DHX30: variants seen among roughly 807,000 people sequenced by gnomAD.
The protein encoded by DHX30 is ATP-dependent RNA helicase DHX30.
In DHX30, 4 loss-of-function variants were observed where a neutral mutation model predicts 116.9. The observed-to-expected ratio is 0.03, with a 90% CI of 0.02 to 0.08. The LOEUF (loss-of-function observed/expected upper bound fraction) is 0.08. DHX30 is among the 10% of genes least tolerant of loss of function. DHX30 has a pLI of 1.00. For missense variants in DHX30, 871 were observed against 1,595.1 expected (o/e 0.55, Z 7.73); for synonymous variants, 697 against 651.7 (o/e 1.07, Z -1.06).
chr3:47,841,114 A>G lies in DHX30; in HGVS notation c.604A>G (p.Ile202Val), dbSNP rs760352111. ...DEEEELEEGT[I>V]DVTDFLSMTQ... ...GGAGGAAGAGCTAGAAGAAGGGACC[A>G]TAGATGTTACCGACTTCTTGTCCAT... The change falls in exon 7 of 22, where the codon ATA (isoleucine) becomes GTA (valine). Residue 202 changes from isoleucine (I) to valine (V), a missense_variant. Ile to Val is a conservative substitution (Grantham distance 29). Transcript: ENST00000445061. The G allele has an allele frequency of 8.7e-6, 14 of 1,614,202 alleles. No homozygotes were observed. Among genetic ancestry groups the G allele is most frequent in the Admixed American group, 8.3e-5 (5 of 60,014 alleles).
intron 6 of DHX30, chr3:47,831,085 G>A (rs2036827218): frequency 6.6e-6 from 1 of 150,942 alleles, no homozygotes; most frequent in East Asian, 1.9e-4. Flanking sequence ...ATAGTCCATT[G>A]CTATAAAGGA....
intron 10 of DHX30, 121 bp from the exon 11 acceptor site, chr3:47,846,044 T>A: frequency 7.1e-7 from 1 of 1,403,342 alleles, no homozygotes. Context: ...TGGACTAAAT[T>A]AATCCTCTGC....
intron 3 of DHX30, among the ~76,000 whole-genome samples, chr3:47,815,400 C>G (rs556303430): frequency 1.3e-5 from 2 of 152,162 alleles, no homozygotes; most frequent in Admixed American, 6.6e-5. Context: ...GTAGGAGACA[C>G]TAGGGTGAAG....
intron 3 of DHX30, among the ~76,000 whole-genome samples, chr3:47,811,145 G>T (rs1020462039): frequency 6.6e-6 from 1 of 151,618 alleles, no homozygotes; most frequent in Non-Finnish European, 1.5e-5. Context: ...GTTGAGACGG[G>T]GTTTCACCAT....
chr3:47,826,355 A>C (rs1017356182), intron 4 of DHX30, among the ~76,000 whole-genome samples: 2 of 152,074 alleles, frequency 1.3e-5, no homozygotes, highest in African/African-American at 2.4e-5. Flanking sequence ...GGTACCTCTC[A>C]TGGTATCTGA....
At position 47,846,764 on chromosome 3, in the gene DHX30, G is replaced by A. The variant is rs1334844509; in HGVS notation, c.1692G>A (p.Arg564=). 5 of 1,613,876 alleles carry A rather than the reference G, an allele frequency of 3.1e-6. No homozygotes were observed. Among genetic ancestry groups the A allele is most frequent in the Middle Eastern group, 1.6e-4 (1 of 6,084 alleles). Reference sequence around the variant, plus strand: ...TCATCGTGGATGAGGTGCATGAGCGGGACGTGAACACAGACTTTCTGCTGA... The same window carrying A: ...TCATCGTGGATGAGGTGCATGAGCGAGACGTGAACACAGACTTTCTGCTGA... ...SHVIVDEVHE[R]DVNTDFLLIL... is the part of the protein sequence containing the mutation. The change falls in exon 11 of 22, where the codon CGG becomes CGA. Residue 564 remains arginine, a synonymous_variant. Coordinates refer to ENST00000445061, the MANE Select transcript of DHX30 (RefSeq NM_138615.3).
At chr3:47,803,483 G>T (rs1576450430) in intron 1 of DHX30, among the ~76,000 whole-genome samples, 1 of 152,144 alleles carries the variant, frequency 6.6e-6, no homozygotes, top group African/African-American at 2.4e-5. Context: ...GGCGGGCCTC[G>T]CAGCCAGGGG....
intron 8 of DHX30, 43 bp from the exon 9 acceptor site, chr3:47,843,063 A>T: frequency 6.2e-7 from 1 of 1,607,958 alleles, no homozygotes; most frequent in Non-Finnish European, 8.5e-7. Flanking sequence ...GTCTCTTCCC[A>T]TTCCCTACAT....
At position 47,845,861 on chromosome 3, in the gene DHX30, C is replaced by G. The variant is rs373090001; in HGVS notation, c.1092+9C>G. On this transcript the variant is annotated intron_variant, in intron 10 of 21. Transcript: ENST00000445061. ...AGACCTTCCTGAACCATGTAAGAGG[C>G]CCTGCATCCCTCACCACCCCTGCTC... 57 of 1,591,194 alleles carry G rather than the reference C, an allele frequency of 3.6e-5. 1 individual carries two copies. In the South Asian group the frequency reaches 5.5e-4, roughly 15 times the overall value.
intron 1 of DHX30, 45 bp from the exon 2 acceptor site, chr3:47,805,281 C>G (rs1375363450): frequency 5.0e-6 from 2 of 398,942 alleles, no homozygotes; most frequent in Non-Finnish European, 8.8e-6. Flanking sequence ...AACTTTCTTT[C>G]CCTATGGGGC....
rs771484698 is a variant in DHX30 at position 47,848,858 on chromosome 3, G to A, written c.2769+41G>A. ...TTCCTGGAGCCGTCCACCCACTGCT[G>A]TTCTGAGGGGGCGTTGTCTAGCCCC... On this transcript the variant is annotated intron_variant, in intron 17 of 21. Transcript: ENST00000445061. The surrounding 1 kb of genome is among the most constrained non-coding windows in gnomAD (Gnocchi z 9.4). The A allele has an allele frequency of 3.1e-6, 5 of 1,599,836 alleles. No individual in the cohort carries two copies. The highest frequency in any genetic ancestry group is 1.7e-5 in the Admixed American group (1 of 59,600).
chr3:47,835,080 T>C (rs2037041629), intron 6 of DHX30, among the ~76,000 whole-genome samples: 1 of 152,100 alleles, frequency 6.6e-6, no homozygotes, highest in Non-Finnish European at 1.5e-5. Context: ...CTCGGCTTAC[T>C]GCAGCCTCTG....
chr3:47,844,300 A>G (rs2037502918), intron 9 of DHX30, among the ~76,000 whole-genome samples: 1 of 152,236 alleles, frequency 6.6e-6, no homozygotes, highest in Non-Finnish European at 1.5e-5. Context: ...AAGAGGGCAC[A>G]GATATGCTAC....
chr3:47,803,828 AG>A (rs1203435332), intron 1 of DHX30, among the ~76,000 whole-genome samples: 4 of 152,338 alleles, frequency 2.6e-5, no homozygotes, highest in Middle Eastern at 3.4e-3. Flanking sequence ...CTGGAGTCCC[AG>A]GGGTCCTCAG....
chr3:47,818,016 C>T lies in DHX30; in HGVS notation c.29-6C>T, dbSNP rs950039381. 2 of 781,070 alleles carry T rather than the reference C, an allele frequency of 2.6e-6. No homozygotes were observed. The highest frequency in any genetic ancestry group is 4.8e-6 in the Non-Finnish European group (2 of 418,118). The allele number at this position is 781,070 out of a possible 1,614,324, so 48.4% of individuals were successfully genotyped here. ...TGTCGCCCTGATGCCCTCTCTCTTT[C>T]CCCAGATCGGGCCCAGCACAGGCAG... On this transcript the variant is annotated splice_polypyrimidine_tract_variant and splice_region_variant and intron_variant, in intron 3 of 21. Transcript: ENST00000445061.
chr3:47,845,947 C>G, intron 10 of DHX30, 95 bp downstream of exon 10: 1 of 1,504,590 alleles, frequency 6.6e-7, no homozygotes, highest in Non-Finnish European at 8.9e-7. Context: ...GCAGTAGTAC[C>G]TCCCCATTCT....
At chr3:47,843,972 G>C (rs2037491862) in intron 9 of DHX30, among the ~76,000 whole-genome samples, 1 of 152,228 alleles carries the variant, frequency 6.6e-6, no homozygotes, top group Admixed American at 6.5e-5. Flanking sequence ...AAAGTGTTGG[G>C]ATTGCAGGCG....
Position 47,850,074 on chromosome 3 carries a change from G to T in DHX30, c.3539G>T (p.Arg1180Leu). The change falls in exon 22 of 22, where the codon CGA becomes CTA. Residue 1180 changes from arginine to leucine, a missense_variant. Physicochemically the swap from Arg to Leu is moderately radical, Grantham distance 102. Transcript: ENST00000445061. ...CTTGCGCTACTGGCAGAGCTGCTGC[G>T]AGGACCCTGTGGCAGCTTTGATGTG... ...QLLALLAELL[R>L]GPCGSFDVRK... 1 of 1,597,204 alleles carries T rather than the reference G, an allele frequency of 6.3e-7. No individual in the cohort carries two copies.
At chr3:47,841,421 G>C (rs2037368645) in intron 7 of DHX30, among the ~76,000 whole-genome samples, 196 bp from the exon 8 acceptor site, 2 of 152,266 alleles carry the variant, frequency 1.3e-5, no homozygotes, top group African/African-American at 4.8e-5. Context: ...TTATCTGTGT[G>C]AGGGAATGGA....
Sources: allele counts gnomAD v4.1 joint callset (sites outside exome capture counted in the v4.1 genomes callset), GRCh38; gene constraint gnomAD v4.1.1; non-coding constraint Gnocchi (gnomAD v3.1); transcripts MANE v1.5; gene names NCBI Gene and HGNC (gene_info 2026-07-23, HGNC 2026-07-21).